Variants in TMEM117 observed in about 807,000 individuals in gnomAD.
The protein encoded by TMEM117 is transmembrane protein 117.
Under a neutral mutation model 52.4 loss-of-function variants are expected in TMEM117, and 27 were observed. That is an observed-to-expected ratio of 0.51 (90% CI 0.38 to 0.71). The LOEUF (loss-of-function observed/expected upper bound fraction) is 0.71. Among genes scored for constraint, TMEM117 ranks in the 30% least tolerant of loss-of-function variants. The pLI is 0.00. For synonymous variants in TMEM117, 215 were observed against 206.3 expected (o/e 1.04, Z -0.36); for missense variants, 556 against 630.5 (o/e 0.88, Z 1.26).
chr12:43,963,396 C>A (rs556970152), intron 3 of TMEM117, among the ~76,000 whole-genome samples: 1 of 152,076 alleles, frequency 6.6e-6, no homozygotes, highest in South Asian at 2.1e-4. Context: ...CATTTTGAAC[C>A]CTACAGAGGC....
At chr12:43,920,549 CTTTTTT>C (rs60359835) in intron 2 of TMEM117, among the ~76,000 whole-genome samples, 213 of 86,040 alleles carry the variant, frequency 2.5e-3, no homozygotes, top group South Asian at 0.019. Context: ...CCTAGAGGGC[CTTTTTT>C]TTTTTTTTTT....
the TMEM117 span, chr12:43,797,897 A>C: frequency 6.6e-7 from 1 of 1,519,208 alleles, no homozygotes; most frequent in Non-Finnish European, 8.9e-7. Flanking sequence ...AAACATAAGA[A>C]AACCCAACCT....
At chr12:43,862,114 T>C (rs1445417654) in intron 2 of TMEM117, among the ~76,000 whole-genome samples, 2 of 152,262 alleles carry the variant, frequency 1.3e-5, no homozygotes, top group East Asian at 3.9e-4. Flanking sequence ...GTGAAGGCAA[T>C]GTGGAGTAGG....
At chr12:44,233,965 G>T (rs964777123) in intron 5 of TMEM117, among the ~76,000 whole-genome samples, 2 of 151,352 alleles carry the variant, frequency 1.3e-5, no homozygotes, top group African/African-American at 2.4e-5. Flanking sequence ...ACAGAATTTA[G>T]TAATCTTGCA....
the TMEM117 span, among the ~76,000 whole-genome samples, chr12:43,820,359 C>T: frequency 6.6e-6 from 1 of 152,190 alleles, no homozygotes; most frequent in Admixed American, 6.5e-5. Context: ...CTGCAAGCTC[C>T]GCCTCCCGGG....
intron 3 of TMEM117, among the ~76,000 whole-genome samples, chr12:43,972,911 T>C (rs1026483202): frequency 6.6e-6 from 1 of 152,194 alleles, no homozygotes; most frequent in Non-Finnish European, 1.5e-5. Flanking sequence ...ATCTTTCAGG[T>C]GACCAAGAGC....
rs906257495 is a variant in TMEM117, at chr12:44,298,296, A to T, written c.609-1284A>T. On this transcript the variant is annotated intron_variant, in intron 5 of 7. Coordinates refer to ENST00000266534, the MANE Select transcript of TMEM117 (RefSeq NM_032256.3). ...TTAGAGGGCAAAAACGGTTTTGTTA[A>T]TTGCCAAAACGGATATGTGTTCTAC... Among the ~76,000 whole-genome samples the T allele has an allele frequency of 2.0e-5, 3 of 150,746 alleles. 1 individual carries two copies. Among genetic ancestry groups the T allele is most frequent in the African/African-American group, 7.5e-5 (3 of 40,108 alleles).
At chr12:44,297,602 G>C (rs550599300) in intron 5 of TMEM117, among the ~76,000 whole-genome samples, 1 of 152,204 alleles carries the variant, frequency 6.6e-6, no homozygotes, top group African/African-American at 2.4e-5. Context: ...GCATCCTTGT[G>C]GGAAATGCAT....
intron 1 of TMEM117, among the ~76,000 whole-genome samples, chr12:43,837,288 GTT>G (rs1943048026): frequency 6.6e-6 from 1 of 152,038 alleles, no homozygotes. Flanking sequence ...CATTAAATGT[GTT>G]TTTCTTTGGC....
At chr12:43,863,232 C>T (rs1015808502) in intron 2 of TMEM117, among the ~76,000 whole-genome samples, 4 of 151,274 alleles carry the variant, frequency 2.6e-5, no homozygotes, top group Non-Finnish European at 5.9e-5. Context: ...GGCAACAAAG[C>T]GAAACTCTGT....
At chr12:44,163,621 G>A (rs1310378210) in intron 4 of TMEM117, among the ~76,000 whole-genome samples, 4 of 152,160 alleles carry the variant, frequency 2.6e-5, no homozygotes, top group African/African-American at 7.2e-5. Context: ...TGGGACAAAA[G>A]AGAATTTGGC....
chr12:44,172,245 A>G (rs1283435931), intron 4 of TMEM117, among the ~76,000 whole-genome samples: 2 of 152,200 alleles, frequency 1.3e-5, no homozygotes, highest in African/African-American at 4.8e-5. Flanking sequence ...GGCTTAAAAC[A>G]ACAGAAATGT....
chr12:43,822,785 T>A, the TMEM117 span, among the ~76,000 whole-genome samples: 1 of 151,848 alleles, frequency 6.6e-6, no homozygotes, highest in Non-Finnish European at 1.5e-5. Flanking sequence ...TATTCCCAGC[T>A]ACTTGGGAGG....
At chr12:44,306,438 G>T (rs1950904469) in intron 6 of TMEM117, among the ~76,000 whole-genome samples, 1 of 151,942 alleles carries the variant, frequency 6.6e-6, no homozygotes, top group Non-Finnish European at 1.5e-5. Context: ...TTAGATTTAT[G>T]TGCATCAAGT....
intron 3 of TMEM117, among the ~76,000 whole-genome samples, chr12:44,079,751 T>C (rs1947449340): frequency 6.6e-6 from 1 of 152,098 alleles, no homozygotes. Flanking sequence ...GTGCAGTGGC[T>C]CATGCCTGAT....
intron 2 of TMEM117, among the ~76,000 whole-genome samples, chr12:43,868,413 A>G (rs1943646332): frequency 6.6e-6 from 1 of 151,894 alleles, no homozygotes; most frequent in African/African-American, 2.4e-5. Context: ...AAAGCCAGGC[A>G]TGGTGGCCCG....
chr12:43,869,945 C>CA (rs1440437513), intron 2 of TMEM117, among the ~76,000 whole-genome samples: 1 of 152,108 alleles, frequency 6.6e-6, no homozygotes, highest in Non-Finnish European at 1.5e-5. Context: ...CTACAGGCCC[C>CA]AGTGTGTGTT....
At chr12:43,950,707 T>G (rs181918950) in intron 3 of TMEM117, among the ~76,000 whole-genome samples, 1 of 152,312 alleles carries the variant, frequency 6.6e-6, no homozygotes, top group African/African-American at 2.4e-5. Context: ...CTCAAGCATG[T>G]GCACTAACAG....
intron 5 of TMEM117, among the ~76,000 whole-genome samples, chr12:44,235,787 T>C (rs1375090677): frequency 1.3e-5 from 2 of 151,864 alleles, no homozygotes; most frequent in Non-Finnish European, 2.9e-5. Flanking sequence ...TCCTTGAAAA[T>C]GTCTTACTTT....
Sources: gnomAD v4.1 joint callset for allele counts (sites outside exome capture counted in the v4.1 genomes callset) on GRCh38, gnomAD v4.1.1 for gene constraint, MANE v1.5 for transcripts, NCBI Gene and HGNC (gene_info 2026-07-23, HGNC 2026-07-21) for gene names.